YAP1: variants seen among roughly 807,000 people sequenced by gnomAD.
YAP1 encodes the protein transcriptional coactivator YAP1.
Under a neutral mutation model 56.9 loss-of-function variants are expected in YAP1, and 5 were observed. That is an observed-to-expected ratio of 0.09 (90% confidence interval 0.05 to 0.18). YAP1 has a LOEUF of 0.18. YAP1 is among the 10% of genes least tolerant of loss of function. YAP1 has a pLI of 1.00. For missense variants in YAP1, 539 were observed against 651.8 expected (o/e 0.83, Z 1.88); for synonymous variants, 265 against 248.1 (o/e 1.07, Z -0.64).
At chr11:102,187,393 A>G (rs2135515403) in intron 4 of YAP1, among the ~76,000 whole-genome samples, 1 of 152,236 alleles carries the variant, frequency 6.6e-6, no homozygotes, top group Non-Finnish European at 1.5e-5. Flanking sequence ...AGGTATGTTA[A>G]TAATTTGCAA....
intron 2 of YAP1, among the ~76,000 whole-genome samples, chr11:102,138,607 C>T (rs948736): frequency 0.081 from 12,279 of 152,200 alleles, 794 homozygotes; most frequent in African/African-American, 0.16. Flanking sequence ...AGAAATGGAT[C>T]CTGGATTTTC....
intron 3 of YAP1, among the ~76,000 whole-genome samples, chr11:102,163,366 G>A (rs745622739): frequency 4.6e-5 from 7 of 152,162 alleles, no homozygotes; most frequent in Non-Finnish European, 1.0e-4. Flanking sequence ...ATCACATACT[G>A]TCTGGCGTCT....
intron 3 of YAP1, among the ~76,000 whole-genome samples, chr11:102,172,285 G>A (rs910414100): frequency 1.3e-5 from 2 of 148,376 alleles, no homozygotes; most frequent in Non-Finnish European, 3.0e-5. Context: ...TAGTGGAAAG[G>A]AAGAACAGTG....
intron 2 of YAP1, among the ~76,000 whole-genome samples, chr11:102,122,895 C>CAAAAAAAACAAAAA (rs1943759310): frequency 1.3e-5 from 1 of 79,448 alleles, no homozygotes; most frequent in African/African-American, 4.7e-5. Context: ...AGACTTCTCT[C>CAAAAAAAACAAAAA]AAAAAAAAAA....
intron 2 of YAP1, among the ~76,000 whole-genome samples, chr11:102,126,612 C>T (rs1944051668): frequency 6.6e-6 from 1 of 152,182 alleles, no homozygotes; most frequent in Non-Finnish European, 1.5e-5. Flanking sequence ...GCTTTTTCTT[C>T]CCAGTCTTGG....
At chr11:102,165,856 C>T (rs1946573939) in intron 3 of YAP1, among the ~76,000 whole-genome samples, 1 of 152,118 alleles carries the variant, frequency 6.6e-6, no homozygotes, top group Non-Finnish European at 1.5e-5. Flanking sequence ...CCTGGAGGCG[C>T]TATTTTTAAA....
intron 3 of YAP1, among the ~76,000 whole-genome samples, chr11:102,178,823 C>G (rs1234720563): frequency 6.6e-6 from 1 of 152,184 alleles, no homozygotes; most frequent in East Asian, 1.9e-4. Context: ...GCTCACAGTT[C>G]TGCAGGCTGT....
intron 3 of YAP1, among the ~76,000 whole-genome samples, chr11:102,182,303 G>C (rs575928452): frequency 2.6e-5 from 4 of 152,216 alleles, no homozygotes; most frequent in South Asian, 4.1e-4. Context: ...GAACATAAAG[G>C]CATCCTAAAT....
chr11:102,149,564 A>G (rs1365764638), intron 2 of YAP1, among the ~76,000 whole-genome samples: 1 of 152,346 alleles, frequency 6.6e-6, no homozygotes, highest in East Asian at 1.9e-4. Flanking sequence ...TACAGGGAGT[A>G]TAGTTTAAGT....
chr11:102,226,544 G>A lies in YAP1; in HGVS notation c.1164-925G>A, dbSNP rs552394928. The stretch of plus-strand genomic sequence containing the variant: ...AATAACAGCTGCCTTGATTTTATGC[G>A]TTTCTCTAAGATTTTGTAGAGTTAG... On this transcript the variant is annotated intron_variant, in intron 7 of 8. Coordinates refer to ENST00000282441, the MANE Select transcript of YAP1 (RefSeq NM_001130145.3). Among the ~76,000 whole-genome samples the A allele has an allele frequency of 3.9e-5, 6 of 152,304 alleles. No individual in the cohort carries two copies. In the East Asian group the frequency reaches 7.7e-4, roughly 20 times the overall value.
At chr11:102,187,952 C>A (rs60309906) in intron 4 of YAP1, among the ~76,000 whole-genome samples, 1 of 152,284 alleles carries the variant, frequency 6.6e-6, no homozygotes, top group African/African-American at 2.4e-5. Flanking sequence ...TATGCCAGAG[C>A]TTTTTATTTT....
intron 3 of YAP1, among the ~76,000 whole-genome samples, chr11:102,168,781 G>T (rs1359386402): frequency 3.9e-5 from 6 of 152,152 alleles, no homozygotes; most frequent in Admixed American, 2.0e-4. Flanking sequence ...ATATCTCTCA[G>T]CACTGAAGAT....
At chr11:102,181,143 C>T (rs115987201) in intron 3 of YAP1, among the ~76,000 whole-genome samples, 6,622 of 149,708 alleles carry the variant, frequency 0.044, 493 homozygotes, top group African/African-American at 0.16. Flanking sequence ...TGAGACCCTG[C>T]CTCAAAAAAA....
intron 2 of YAP1, among the ~76,000 whole-genome samples, chr11:102,151,311 AC>A (rs1473020629): frequency 6.6e-6 from 1 of 152,066 alleles, no homozygotes; most frequent in Non-Finnish European, 1.5e-5. Flanking sequence ...TTTAAGTGGT[AC>A]AGAAATCATA....
intron 2 of YAP1, among the ~76,000 whole-genome samples, chr11:102,115,131 A>C (rs1943199655): frequency 6.6e-6 from 1 of 152,204 alleles, no homozygotes; most frequent in South Asian, 2.1e-4. Flanking sequence ...CTAGGCTGAA[A>C]AGACATAAAT....
intron 4 of YAP1, among the ~76,000 whole-genome samples, chr11:102,202,052 AT>A (rs1948886355): frequency 6.6e-6 from 1 of 152,210 alleles, no homozygotes; most frequent in African/African-American, 2.4e-5. Flanking sequence ...TTGAACATTG[AT>A]CAGAATAACT....
chr11:102,126,371 T>A (rs1219257269), intron 2 of YAP1, among the ~76,000 whole-genome samples: 4 of 152,200 alleles, frequency 2.6e-5, no homozygotes, highest in Non-Finnish European at 5.9e-5. Context: ...AATTCCTACA[T>A]GTTGTGGGAC....
chr11:102,171,489 G>A (rs945829955), intron 3 of YAP1, among the ~76,000 whole-genome samples: 3 of 152,174 alleles, frequency 2.0e-5, no homozygotes, highest in Admixed American at 2.0e-4. Flanking sequence ...CTTAATGAAA[G>A]GTATTAATTT....
chr11:102,130,966 T>C (rs906581501), intron 2 of YAP1, among the ~76,000 whole-genome samples: 3 of 152,076 alleles, frequency 2.0e-5, no homozygotes, highest in Non-Finnish European at 4.4e-5. Flanking sequence ...TGCAATGATA[T>C]GTAAGTGTCA....
Sources: gnomAD v4.1 joint callset for allele counts (sites outside exome capture counted in the v4.1 genomes callset) on GRCh38, gnomAD v4.1.1 for gene constraint, MANE v1.5 for transcripts, NCBI Gene and HGNC (gene_info 2026-07-23, HGNC 2026-07-21) for gene names.